ANKHD1: variants seen among roughly 807,000 people sequenced by gnomAD.
ANKHD1 encodes ankyrin repeat and KH domain containing 1, also known as ankyrin repeat and KH domain-containing protein 1.
ANKHD1 carries 31 observed loss-of-function variants against 230.5 expected under a neutral mutation model. That is an observed-to-expected ratio of 0.13 (90% CI 0.10 to 0.18). The LOEUF (loss-of-function observed/expected upper bound fraction) is 0.18, where lower values mean the gene tolerates loss of function less well. Ranked by LOEUF, ANKHD1 falls within the 10% of genes least tolerant of loss-of-function variation. ANKHD1 has a pLI of 1.00. For missense variants in ANKHD1, 2,256 were observed against 3,071.3 expected (o/e 0.73, Z 6.27); for synonymous variants, 1,074 against 1,117.6 (o/e 0.96, Z 0.78).
intron 24 of ANKHD1, among the ~76,000 whole-genome samples, chr5:140,522,116 C>T (rs1435778971): frequency 6.6e-6 from 1 of 152,198 alleles, no homozygotes; most frequent in African/African-American, 2.4e-5. Flanking sequence ...TATTCCCATT[C>T]CCCCACTGCA....
intron 7 of ANKHD1, 89 bp downstream of exon 7, chr5:140,449,394 G>C: frequency 7.0e-7 from 1 of 1,432,268 alleles, no homozygotes; most frequent in Non-Finnish European, 9.5e-7. Flanking sequence ...TGCCAGTGCG[G>C]TGGCTCACGC....
intron 6 of ANKHD1, among the ~76,000 whole-genome samples, chr5:140,446,857 A>G (rs150529276): frequency 3.2e-4 from 49 of 152,290 alleles, no homozygotes; most frequent in African/African-American, 1.0e-3. Flanking sequence ...TTAGCAGTGT[A>G]TCATGGACAT....
chr5:140,494,331 C>T (rs1751933554), intron 14 of ANKHD1, among the ~76,000 whole-genome samples: 1 of 152,028 alleles, frequency 6.6e-6, no homozygotes, highest in African/African-American at 2.4e-5. Context: ...AAGTCTTTTT[C>T]CATCATTTTT....
chr5:140,460,648 G>A (rs748554095), intron 9 of ANKHD1, among the ~76,000 whole-genome samples: 1 of 151,916 alleles, frequency 6.6e-6, no homozygotes. Flanking sequence ...AGCCTCCCAG[G>A]TAGCTGGGAC....
In ANKHD1 at chr5:140,444,799, A is replaced by G. The variant is rs538473416; in HGVS notation, c.914-943A>G. 4.6e-5 allele frequency among the ~76,000 whole-genome samples: 7 copies of G among 152,310 alleles called. No individual in the cohort carries two copies. In the East Asian group the frequency reaches 5.8e-4, roughly 13 times the overall value. ...TTCCCATCACCACAGAAAGATCTCT[A>G]TGCCCATTTGGAGTCCCCTCAGTTA... is the stretch of plus-strand genomic sequence containing the variant. On this transcript the variant is annotated intron_variant, in intron 5 of 33. Transcript: ENST00000360839.
At chr5:140,512,797 A>T in intron 22 of ANKHD1, 31 bp from the exon 23 acceptor site, 1 of 1,544,474 alleles carries the variant, frequency 6.5e-7, no homozygotes, top group South Asian at 1.3e-5. Context: ...TTTTCATGCT[A>T]CCTTGTCTAA....
intron 24 of ANKHD1, among the ~76,000 whole-genome samples, 188 bp downstream of exon 24, chr5:140,513,667 G>A (rs936725561): frequency 1.3e-5 from 2 of 152,116 alleles, no homozygotes; most frequent in African/African-American, 4.8e-5. Context: ...AAATTAGCCA[G>A]GTGTGGTGGC....
At chr5:140,472,937 A>G (rs1406744088) in intron 10 of ANKHD1, among the ~76,000 whole-genome samples, 1 of 152,100 alleles carries the variant, frequency 6.6e-6, no homozygotes, top group Admixed American at 6.5e-5. Context: ...TAATCCAAAG[A>G]GATTTATTTA....
intron 29 of ANKHD1, among the ~76,000 whole-genome samples, chr5:140,531,645 C>T (rs7702666): frequency 0.016 from 2,468 of 151,926 alleles, 74 homozygotes; most frequent in African/African-American, 0.056. Flanking sequence ...AACCATCATA[C>T]ATGGTAGGTA....
At position 140,507,316 on chromosome 5, in the gene ANKHD1, T is replaced by G. The variant is rs1752581575; in HGVS notation, c.3551+339T>G. Among the ~76,000 whole-genome samples, 1 of 152,212 alleles carries G rather than the reference T, an allele frequency of 6.6e-6. No individual in the cohort carries two copies. Among genetic ancestry groups the G allele is most frequent in the Non-Finnish European group, 1.5e-5 (1 of 68,034 alleles). ...AATTACATTTTATTTTTTAAGTTAT[T>G]TATTTTTTGAGATGGAGTTTCGCTC... is the stretch of plus-strand genomic sequence containing the variant. On this transcript the variant is annotated intron_variant, in intron 19 of 33. Coordinates refer to ENST00000360839, the MANE Select transcript of ANKHD1 (RefSeq NM_017747.3). The surrounding 1 kb of genome is among the most constrained non-coding windows in gnomAD (Gnocchi z 4.1).
intron 10 of ANKHD1, among the ~76,000 whole-genome samples, chr5:140,482,308 A>G (rs1751316545): frequency 6.6e-6 from 1 of 152,268 alleles, no homozygotes; most frequent in South Asian, 2.1e-4. Context: ...AGAAAAATGC[A>G]GTGATTTCTC....
intron 14 of ANKHD1, among the ~76,000 whole-genome samples, chr5:140,487,453 C>T (rs1751561281): frequency 6.6e-6 from 1 of 152,048 alleles, no homozygotes; most frequent in South Asian, 2.1e-4. Flanking sequence ...AACATTGATT[C>T]AGTTAATGAG....
intron 5 of ANKHD1, among the ~76,000 whole-genome samples, chr5:140,443,588 G>A (rs1032963956): frequency 6.6e-6 from 1 of 151,986 alleles, no homozygotes; most frequent in Non-Finnish European, 1.5e-5. Flanking sequence ...CTACTCGGGA[G>A]GCTGAGGCAG....
chr5:140,509,877 G>A, intron 21 of ANKHD1, 65 bp downstream of exon 21: 4 of 1,559,288 alleles, frequency 2.6e-6, no homozygotes, highest in Non-Finnish European at 2.6e-6. Flanking sequence ...AGCTTTTAAA[G>A]TTAATAACAT....
chr5:140,470,247 A>G (rs1448015600), intron 10 of ANKHD1, among the ~76,000 whole-genome samples: 1 of 149,710 alleles, frequency 6.7e-6, no homozygotes, highest in Non-Finnish European at 1.5e-5. Flanking sequence ...TGTGTTAATT[A>G]TTCTATTAAT....
chr5:140,485,965 A>T lies in ANKHD1; in HGVS notation c.2142+233A>T. 1 of 522,156 alleles carries T rather than the reference A, an allele frequency of 1.9e-6. No individual in the cohort carries two copies. The highest frequency in any genetic ancestry group is 3.2e-6 in the Non-Finnish European group (1 of 313,390). 32.3% of individuals were successfully genotyped at this position (522,156 alleles called of 1,614,324 possible). On this transcript the variant is annotated intron_variant, in intron 13 of 33. Transcript: ENST00000360839. The surrounding 1 kb of genome is among the most constrained non-coding windows in gnomAD (Gnocchi z 4.8). ...TTAAAAACCACTTAATATCAAATAT[A>T]AACGTAAGTATTCTAAGTTGTTATC...
At position 140,401,900 on chromosome 5, in the gene ANKHD1, G is replaced by C. The variant is rs775488024; in HGVS notation, c.-68G>C. 1 of 1,502,216 alleles carries C rather than the reference G, an allele frequency of 6.7e-7. No homozygotes were observed. The highest frequency in any genetic ancestry group is 2.6e-5 in the East Asian group (1 of 39,060). 93.1% of individuals were successfully genotyped at this position (1,502,216 alleles called of 1,614,324 possible). A position where few individuals can be genotyped will look rare whatever the true frequency, so the allele number is the denominator to read the frequency against. On this transcript the variant is annotated 5_prime_UTR_variant, in exon 1 of 34. Coordinates refer to ENST00000360839, the MANE Select transcript of ANKHD1 (RefSeq NM_017747.3). The stretch of plus-strand genomic sequence containing the variant: ...GCTTCTTCCTCTTGCTGCTCTTCTC[G>C]TTCCCGAGATCAGCGGCGGCGGTGA...
intron 20 of ANKHD1, among the ~76,000 whole-genome samples, chr5:140,508,617 G>A (rs1039884756): frequency 3.9e-5 from 6 of 152,000 alleles, no homozygotes; most frequent in South Asian, 2.1e-4. Context: ...TTAGCTGGAC[G>A]TGGTGGCAGG....
At chr5:140,449,148 C>T in intron 6 of ANKHD1, 63 bp from the exon 7 acceptor site, 1 of 1,474,602 alleles carries the variant, frequency 6.8e-7, no homozygotes, top group Non-Finnish European at 9.2e-7. Context: ...AGATTCCATA[C>T]CTCAATATTT....
Sources: allele counts gnomAD v4.1 joint callset (sites outside exome capture counted in the v4.1 genomes callset), GRCh38; gene constraint gnomAD v4.1.1; non-coding constraint Gnocchi (gnomAD v3.1); transcripts MANE v1.5; gene names NCBI Gene and HGNC (gene_info 2026-07-23, HGNC 2026-07-21).